Variants in CCDC92B observed in about 807,000 individuals in gnomAD.
The protein encoded by CCDC92B is coiled-coil domain-containing 92B.
Under a neutral mutation model 5.6 loss-of-function variants are expected in CCDC92B, and 2 were observed. The ratio of observed to expected loss-of-function variants is 0.36; its 90% confidence interval spans 0.15 to 1.12. The LOEUF (loss-of-function observed/expected upper bound fraction) is 1.12. Among genes scored for constraint, CCDC92B ranks in the 50% most tolerant of loss-of-function variants. CCDC92B has a pLI of 0.40. For synonymous variants in CCDC92B, 115 were observed against 122.3 expected (o/e 0.94, Z 0.39); for missense variants, 271 against 262.2 (o/e 1.03, Z -0.23).
intron 1 of CCDC92B, among the ~76,000 whole-genome samples, chr17:2,741,806 A>G (rs2070930250): frequency 6.6e-6 from 1 of 151,094 alleles, no homozygotes; most frequent in East Asian, 2.0e-4. Flanking sequence ...GTTAGCCAGG[A>G]TGGTCTCAAT....
At chr17:2,728,819 G>C (rs1378618056) in intron 3 of CCDC92B, among the ~76,000 whole-genome samples, 2 of 152,120 alleles carry the variant, frequency 1.3e-5, no homozygotes, top group Non-Finnish European at 2.9e-5. Flanking sequence ...CTCTAAAGAG[G>C]GCAGGATTAG....
chr17:2,747,795 G>A (rs1340206038), intron 1 of CCDC92B, among the ~76,000 whole-genome samples: 1 of 152,186 alleles, frequency 6.6e-6, no homozygotes, highest in Admixed American at 6.6e-5. Context: ...TGACTCAGAG[G>A]CCTGGGGCAG....
At chr17:2,745,282 T>C (rs896851764) in intron 1 of CCDC92B, among the ~76,000 whole-genome samples, 11 of 152,050 alleles carry the variant, frequency 7.2e-5, no homozygotes, top group Middle Eastern at 3.4e-3. Context: ...TGTGCGCACA[T>C]CTGGAGGATG....
chr17:2,733,008 G>A (rs2070813019), intron 2 of CCDC92B, among the ~76,000 whole-genome samples: 2 of 148,470 alleles, frequency 1.3e-5, no homozygotes, highest in Admixed American at 1.4e-4. Flanking sequence ...GCAAGACCCT[G>A]TCTCAAAATA....
At chr17:2,746,688 T>C (rs1481339598) in intron 1 of CCDC92B, among the ~76,000 whole-genome samples, 1 of 152,110 alleles carries the variant, frequency 6.6e-6, no homozygotes, top group African/African-American at 2.4e-5. Context: ...GTTTGTTTTT[T>C]TGAGACGGAG....
Position 2,723,940 on chromosome 17 carries a change from G to A in CCDC92B, c.*471C>T, listed in dbSNP as rs1015525122. 1.0e-6 allele frequency: 1 copy of A among 983,534 alleles called. No individual in the cohort carries two copies. The highest frequency in any genetic ancestry group is 1.8e-5 in the African/African-American group (1 of 56,808). 60.9% of individuals were successfully genotyped at this position (983,534 alleles called of 1,614,324 possible). A position where few individuals can be genotyped will look rare whatever the true frequency, so the allele number is the denominator to read the frequency against. The stretch of plus-strand genomic sequence containing the variant: ...CTGGGCCTCTCCTGGGGAGGAAGAA[G>A]GCTTGGCGGGAAGGGCGTCGGCGCG... On this transcript the variant is annotated 3_prime_UTR_variant, in exon 4 of 4. Coordinates refer to ENST00000614400, the MANE Select transcript of CCDC92B (RefSeq NM_001355573.2).
chr17:2,724,221 G>C lies in CCDC92B; in HGVS notation c.*190C>G. 2 of 985,344 alleles carry C rather than the reference G, an allele frequency of 2.0e-6. No homozygotes were observed. The highest frequency in any genetic ancestry group is 2.4e-6 in the Non-Finnish European group (2 of 829,896). 61.0% of individuals were successfully genotyped at this position (985,344 alleles called of 1,614,324 possible). Reference sequence around the variant, plus strand: ...GAACTCTCGCGCGAGGAGAGGGCTCGAAGCTTTGGAAACGTCGGGAAGTAC... The same window carrying C: ...GAACTCTCGCGCGAGGAGAGGGCTCCAAGCTTTGGAAACGTCGGGAAGTAC... On this transcript the variant is annotated 3_prime_UTR_variant, in exon 4 of 4. Transcript: ENST00000614400. This position sits in a 1 kb window ranked among gnomAD's most constrained non-coding sequence, Gnocchi z 5.0.
At chr17:2,728,373 C>A (rs533913653) in intron 3 of CCDC92B, among the ~76,000 whole-genome samples, 1 of 151,092 alleles carries the variant, frequency 6.6e-6, no homozygotes, top group East Asian at 1.9e-4. Flanking sequence ...TTTGGGAGGC[C>A]GAGGTGGGTG....
chr17:2,731,970 T>C (rs2151739814), intron 2 of CCDC92B, among the ~76,000 whole-genome samples: 1 of 152,340 alleles, frequency 6.6e-6, no homozygotes, highest in East Asian at 1.9e-4. Flanking sequence ...TCAGATACGC[T>C]GTGTGACCTT....
intron 1 of CCDC92B, chr17:2,747,965 C>T (rs1184754419): frequency 5.6e-6 from 2 of 357,276 alleles, no homozygotes; most frequent in Non-Finnish European, 1.1e-5. Flanking sequence ...ATTAATGTAT[C>T]CACTTTATCG....
chr17:2,726,559 C>T (rs753631854), intron 3 of CCDC92B, among the ~76,000 whole-genome samples: 1 of 152,082 alleles, frequency 6.6e-6, no homozygotes, highest in Non-Finnish European at 1.5e-5. Context: ...TCAGGTCATC[C>T]TCCCGCCTCA....
intron 3 of CCDC92B, among the ~76,000 whole-genome samples, chr17:2,726,359 T>C (rs1373831268): frequency 1.3e-5 from 2 of 149,916 alleles, no homozygotes; most frequent in Non-Finnish European, 3.0e-5. Flanking sequence ...TTTTTTTGTA[T>C]TTTTAGTAGA....
Position 2,724,480 on chromosome 17 carries a change from C to T in CCDC92B, c.699G>A (p.Gln233=), listed in dbSNP as rs983515866. 1.5e-4 allele frequency: 143 copies of T among 980,754 alleles called. No individual in the cohort carries two copies. Among genetic ancestry groups the T allele is most frequent in the Non-Finnish European group, 1.7e-4 (141 of 826,794 alleles). The allele number at this position is 980,754 out of a possible 1,614,324, so 60.8% of individuals were successfully genotyped here. A position where few individuals can be genotyped will look rare whatever the true frequency, so the allele number is the denominator to read the frequency against. ...GCGGGCCGGCTCGGTCCGGGGGCTC[C>T]TGGGGAGGCGGCTGGCGCGGGCTGC... is the stretch of plus-strand genomic sequence containing the variant. ...SARSPRQPPP[Q]EPPDRAGPQP... is the part of the protein sequence containing the mutation. Residue 233 remains glutamine, a synonymous_variant, in exon 4 of 4, where the codon CAG becomes CAA. Transcript: ENST00000614400. This position sits in a 1 kb window ranked among gnomAD's most constrained non-coding sequence, Gnocchi z 5.0.
At chr17:2,735,849 G>T (rs1302437245) in intron 1 of CCDC92B, among the ~76,000 whole-genome samples, 5 of 152,192 alleles carry the variant, frequency 3.3e-5, no homozygotes, top group Non-Finnish European at 5.9e-5. Context: ...AGTGTGACCT[G>T]GGTGAGCCCT....
At chr17:2,727,583 T>C (rs955636439) in intron 3 of CCDC92B, among the ~76,000 whole-genome samples, 3 of 152,154 alleles carry the variant, frequency 2.0e-5, no homozygotes, top group African/African-American at 4.8e-5. Context: ...CCCAGCACTT[T>C]GGGAGGCCAA....
In CCDC92B at chr17:2,724,581, C is replaced by T. The variant is rs1294720193; in HGVS notation, c.598G>A (p.Ala200Thr). ...GGCATGGGGTCGGCGTCGTCGAGGG[C>T]GCCGGCCCCGCGGTCCCAGGCGGCC... ...DWAAWDRGAG[A>T]LDDADPMPDP... Residue 200 changes from alanine (A) to threonine (T), a missense_variant, in exon 4 of 4, where the codon GCC (alanine) becomes ACC (threonine). Coordinates refer to ENST00000614400, the MANE Select transcript of CCDC92B (RefSeq NM_001355573.2). The surrounding 1 kb of genome is among the most constrained non-coding windows in gnomAD (Gnocchi z 5.0). The T allele has an allele frequency of 8.6e-5, 84 of 981,636 alleles. No individual in the cohort carries two copies. Among genetic ancestry groups the T allele is most frequent in the Non-Finnish European group, 9.7e-5 (80 of 828,396 alleles). The allele number at this position is 981,636 out of a possible 1,614,324, so 60.8% of individuals were successfully genotyped here.
Position 2,737,465 on chromosome 17 carries a change from CTTTTTTTTTTT to C in CCDC92B, c.-23-2308_-23-2298del, listed in dbSNP as rs34254249. On this transcript the variant is annotated intron_variant, in intron 1 of 3. Transcript: ENST00000614400. ...CCCTAATCCAACCAAATAGGCCTTTCTTTTTTTTTTTTTTTTTTTTTTTTTTTGAGACGGAG... is the reference window on the plus strand; with the variant it reads ...CCCTAATCCAACCAAATAGGCCTTTCTTTTTTTTTTTTTTTTGAGACGGAG... 3.2e-3 allele frequency among the ~76,000 whole-genome samples: 196 copies of C among 60,358 alleles called. 1 individual carries two copies. Among genetic ancestry groups the C allele is most frequent in the African/African-American group, 0.014 (185 of 13,252 alleles). The allele number at this position is 60,358 out of a possible 152,430, so 39.6% of individuals were successfully genotyped here. A position where few individuals can be genotyped will look rare whatever the true frequency, so the allele number is the denominator to read the frequency against.
intron 3 of CCDC92B, among the ~76,000 whole-genome samples, chr17:2,727,621 C>A (rs546944136): frequency 6.6e-6 from 1 of 151,862 alleles, no homozygotes; most frequent in East Asian, 1.9e-4. Context: ...GTCAGGAGTT[C>A]GAGACCAGCC....
intron 1 of CCDC92B, among the ~76,000 whole-genome samples, chr17:2,737,856 T>C (rs2070874481): frequency 6.6e-6 from 1 of 151,940 alleles, no homozygotes; most frequent in Non-Finnish European, 1.5e-5. Context: ...GACCATCTGC[T>C]ATGTTCAGGG....
Sources: allele counts gnomAD v4.1 joint callset (sites outside exome capture counted in the v4.1 genomes callset), GRCh38; gene constraint gnomAD v4.1.1; non-coding constraint Gnocchi (gnomAD v3.1); transcripts MANE v1.5; gene names NCBI Gene and HGNC (gene_info 2026-07-23, HGNC 2026-07-21).